FSD1: variants seen among roughly 807,000 people sequenced by gnomAD.
The protein encoded by FSD1 is fibronectin type III and SPRY domain containing 1.
A neutral mutation model predicts 58.2 loss-of-function variants in FSD1; 23 were observed. The ratio of observed to expected loss-of-function variants is 0.40; its 90% CI spans 0.28 to 0.56. The LOEUF (loss-of-function observed/expected upper bound fraction) is 0.56. Among genes scored for constraint, FSD1 ranks in the 20% least tolerant of loss-of-function variants. The pLI, the probability that FSD1 is intolerant of heterozygous loss-of-function variation, is 0.54. For missense variants in FSD1, 563 were observed against 670.8 expected (o/e 0.84, Z 1.78); for synonymous variants, 265 against 263.4 (o/e 1.01, Z -0.06).
chr19:4,304,992 C>G (rs575757240), intron 1 of FSD1, among the ~76,000 whole-genome samples: 1 of 140,566 alleles, frequency 7.1e-6, no homozygotes, highest in Non-Finnish European at 1.6e-5. Context: ...CGCCCCCCCA[C>G]CCTGCCCAGT....
chr19:4,312,143 C>G lies in FSD1; in HGVS notation c.700+92C>G, dbSNP rs946667031. ...CATCAGTCACTGGGGGCCTTGGGGA[C>G]GATCCCCAAAGCTCATGGGGTCTGG... On this transcript the variant is annotated intron_variant, in intron 7 of 12. Coordinates refer to ENST00000221856, the MANE Select transcript of FSD1 (RefSeq NM_024333.3). 1.0e-5 allele frequency: 12 copies of G among 1,155,290 alleles called. No individual in the cohort carries two copies. In the South Asian group the frequency reaches 1.6e-4, roughly 15 times the overall value. 71.6% of individuals were successfully genotyped at this position (1,155,290 alleles called of 1,614,324 possible).
chr19:4,313,163 C>G (rs1425233530), intron 7 of FSD1, among the ~76,000 whole-genome samples: 1 of 146,506 alleles, frequency 6.8e-6, no homozygotes, highest in African/African-American at 2.5e-5. Context: ...GCTTGGGTAA[C>G]AAAGCAAGAG....
chr19:4,318,827 G>A (rs1256560246), intron 9 of FSD1, 45 bp from the exon 10 acceptor site: 3 of 1,493,396 alleles, frequency 2.0e-6, no homozygotes, highest in African/African-American at 2.8e-5. Flanking sequence ...AGAGAGAAGT[G>A]TTGAACTGAG....
intron 7 of FSD1, among the ~76,000 whole-genome samples, chr19:4,316,292 G>A (rs1376155978): frequency 6.6e-6 from 1 of 151,922 alleles, no homozygotes; most frequent in East Asian, 1.9e-4. Context: ...TGCGATCTTG[G>A]CTCACTGCAA....
At chr19:4,322,183 G>A (rs1246048597) in intron 10 of FSD1, among the ~76,000 whole-genome samples, 1 of 151,060 alleles carries the variant, frequency 6.6e-6, no homozygotes, top group African/African-American at 2.4e-5. Flanking sequence ...GAGTATCTGG[G>A]AGGGATAACT....
chr19:4,311,780 A>AGCCCCCT (rs373393339), intron 6 of FSD1, 62 bp from the exon 7 acceptor site: 36 of 1,504,134 alleles, frequency 2.4e-5, no homozygotes, highest in African/African-American at 2.2e-4. Context: ...CCCTGCAGCA[A>AGCCCCCT]GCCCCCTGCC....
intron 4 of FSD1, 65 bp downstream of exon 4, chr19:4,308,048 A>G (rs552093947): frequency 1.6e-6 from 2 of 1,288,852 alleles, no homozygotes; most frequent in Admixed American, 2.0e-5. Context: ...TTTCAGGTGA[A>G]CAAGCACATT....
rs200100350 is a variant in FSD1, at chr19:4,307,909, C to T, written c.271C>T (p.Leu91=). The T allele has an allele frequency of 1.3e-5, 21 of 1,613,782 alleles. No homozygotes were observed. The highest frequency in any genetic ancestry group is 3.3e-4 in the Middle Eastern group (2 of 6,058). The change falls in exon 4 of 13, where the codon CTG becomes TTG. Residue 91 remains leucine, a synonymous_variant. Transcript: ENST00000221856. The part of the protein sequence containing the change: ...QNQLAACTRA[L]ESSEELLETA... ...CCAGCTGGCTGCCTGCACGCGGGCCCTGGAGAGCTCCGAGGAGCTTCTGGA... is the reference window on the plus strand; with the variant it reads ...CCAGCTGGCTGCCTGCACGCGGGCCTTGGAGAGCTCCGAGGAGCTTCTGGA...
chr19:4,317,030 G>A (rs1568381032), intron 7 of FSD1, 152 bp from the exon 8 acceptor site: 2 of 564,574 alleles, frequency 3.5e-6, no homozygotes, highest in East Asian at 6.5e-5. Context: ...TGGGATTACA[G>A]GCGTGAGCCA....
Position 4,305,988 on chromosome 19 carries a change from G to A in FSD1, c.58G>A (p.Glu20Lys). 6.2e-7 allele frequency: 1 copy of A among 1,614,196 alleles called. No individual in the cohort carries two copies. ...CATCAAAACACTGGCTGTGAAGAAT[G>A]AAGAAATTCAGAGCTTTATCTACTC... ...KIIKTLAVKN[E>K]EIQSFIYSLK... Residue 20 changes from glutamate (E) to lysine (K), a missense_variant, in exon 2 of 13, where the codon GAA becomes AAA. Physicochemically the swap from Glu to Lys is moderately conservative, Grantham distance 56. Coordinates refer to ENST00000221856, the MANE Select transcript of FSD1 (RefSeq NM_024333.3).
rs1283979763 is a variant in FSD1, at chr19:4,310,600, A to G, written c.490+4A>G. On this transcript the variant is annotated splice_donor_region_variant and intron_variant, in intron 6 of 12. Coordinates refer to ENST00000221856, the MANE Select transcript of FSD1 (RefSeq NM_024333.3). ...CAGGCACTCAAGTTCCTGCCTGGTGAGAGGGGCACGCACTAGAGGGCCAGG... is the reference window on the plus strand; with the variant it reads ...CAGGCACTCAAGTTCCTGCCTGGTGGGAGGGGCACGCACTAGAGGGCCAGG... 6.2e-7 allele frequency: 1 copy of G among 1,612,028 alleles called. No homozygotes were observed. The highest frequency in any genetic ancestry group is 2.2e-5 in the East Asian group (1 of 44,858).
intron 10 of FSD1, 101 bp downstream of exon 10, chr19:4,319,052 C>A: frequency 1.1e-6 from 1 of 880,834 alleles, no homozygotes; most frequent in Non-Finnish European, 1.9e-6. Flanking sequence ...AAACAGGCAG[C>A]CATCAGCAAA....
chr19:4,305,345 G>A (rs1971606731), intron 1 of FSD1, among the ~76,000 whole-genome samples: 1 of 151,202 alleles, frequency 6.6e-6, no homozygotes. Context: ...CCCCACCCCT[G>A]TTCCGAGGCT....
rs79276903 is a variant in FSD1 at position 4,322,542 on chromosome 19, T to G, written c.1040-444T>G. Among the ~76,000 whole-genome samples, 82 of 124,902 alleles carry G rather than the reference T, an allele frequency of 6.6e-4. 2 individuals are homozygous for G. The South Asian group carries it at 0.021, about 31-fold the overall frequency. The allele number at this position is 124,902 out of a possible 152,430, so 81.9% of individuals were successfully genotyped here. A position where few individuals can be genotyped will look rare whatever the true frequency, so the allele number is the denominator to read the frequency against. ...GGAGTATCTGGAGGGAATAGCTGGG[T>G]CCGAAGGAGTATCTGGAGGGAATAG... On this transcript the variant is annotated intron_variant, in intron 10 of 12. Coordinates refer to ENST00000221856, the MANE Select transcript of FSD1 (RefSeq NM_024333.3).
intron 10 of FSD1, among the ~76,000 whole-genome samples, chr19:4,321,068 GA>G (rs1448044305): frequency 4.0e-5 from 6 of 148,324 alleles, no homozygotes; most frequent in East Asian, 2.0e-4. Flanking sequence ...GGAGTATCTG[GA>G]GGGAAATAGC....
intron 1 of FSD1, among the ~76,000 whole-genome samples, chr19:4,305,322 TCCCCCAGGTAGG>T (rs1971606472): frequency 6.6e-6 from 1 of 150,714 alleles, no homozygotes; most frequent in African/African-American, 2.4e-5. Flanking sequence ...CTTATCTTTC[TCCCCCAGGTAGG>T]CCCCACCCCT....
intron 8 of FSD1, 91 bp from the exon 9 acceptor site, chr19:4,318,255 G>T: frequency 1.3e-6 from 2 of 1,540,318 alleles, no homozygotes; most frequent in Non-Finnish European, 1.8e-6. Flanking sequence ...CCCTGTCTTG[G>T]TCTGTCTTGG....
At chr19:4,305,592 G>C (rs1186440604) in intron 1 of FSD1, among the ~76,000 whole-genome samples, 5 of 152,222 alleles carry the variant, frequency 3.3e-5, no homozygotes, top group Non-Finnish European at 5.9e-5. Flanking sequence ...GTGAGCCTCA[G>C]TTTCCTCTCC....
chr19:4,321,370 T>TG (rs1971815995), intron 10 of FSD1, among the ~76,000 whole-genome samples: 1 of 89,880 alleles, frequency 1.1e-5, no homozygotes, highest in Non-Finnish European at 2.2e-5. Context: ...GAGGAGTATC[T>TG]GGGGAAATAG....
Sources: gnomAD v4.1 joint callset for allele counts (sites outside exome capture counted in the v4.1 genomes callset) on GRCh38, gnomAD v4.1.1 for gene constraint, MANE v1.5 for transcripts, NCBI Gene and HGNC (gene_info 2026-07-23, HGNC 2026-07-21) for gene names.